The following DNAAF1 variants were observed in gnomAD, a reference collection of about 807,000 sequenced individuals.
DNAAF1 encodes dynein axonemal assembly factor 1, also known as dynein assembly factor 1, axonemal.
In DNAAF1, 65 loss-of-function variants were observed where a neutral mutation model predicts 71.1. The observed-to-expected ratio is 0.91, with a 90% confidence interval of 0.75 to 1.12. DNAAF1 has a LOEUF of 1.12. Ranked by LOEUF, DNAAF1 falls within the 50% of genes most tolerant of loss-of-function variation. The pLI is 0.00. For synonymous variants in DNAAF1, 414 were observed against 354.6 expected (o/e 1.17, Z -1.88); for missense variants, 1,178 against 899.8 (o/e 1.31, Z -3.96).
At chr16:84,148,592 C>CTTTTTTTTTTTTTTT (rs1298445444) in intron 1 of DNAAF1, among the ~76,000 whole-genome samples, 1 of 33,486 alleles carries the variant, frequency 3.0e-5, no homozygotes, top group Non-Finnish European at 6.6e-5. Context: ...TTCTCTCTCT[C>CTTTTTTTTTTTTTTT]TCTCTTTTTT....
intron 6 of DNAAF1, 51 bp from the exon 7 acceptor site, chr16:84,165,732 G>A (rs1393946892): frequency 1.0e-5 from 16 of 1,543,724 alleles, no homozygotes; most frequent in East Asian, 2.2e-5. Context: ...ATCAGACAGT[G>A]TATGTTTGGA....
At chr16:84,166,282 G>A (rs1567555695) in intron 7 of DNAAF1, among the ~76,000 whole-genome samples, 1 of 151,812 alleles carries the variant, frequency 6.6e-6, no homozygotes, top group South Asian at 2.1e-4. Flanking sequence ...CGAACTCCTG[G>A]CTTCAAGTGA....
At chr16:84,147,771 TAAAA>T (rs1045165226) in intron 1 of DNAAF1, among the ~76,000 whole-genome samples, 1 of 150,784 alleles carries the variant, frequency 6.6e-6, no homozygotes, top group Non-Finnish European at 1.5e-5. Flanking sequence ...AAAAAAAAAA[TAAAA>T]ATAAATAAGG....
intron 8 of DNAAF1, among the ~76,000 whole-genome samples, chr16:84,170,870 A>T (rs1422486514): frequency 6.6e-6 from 1 of 152,148 alleles, no homozygotes; most frequent in Non-Finnish European, 1.5e-5. Context: ...AAAAAGTAAA[A>T]AGTAAAAAAA....
At chr16:84,175,723 C>T in intron 10 of DNAAF1, 2 of 604,352 alleles carry the variant, frequency 3.3e-6, no homozygotes, top group South Asian at 3.8e-5. Context: ...GAGCAGAGGG[C>T]AGAGAGAAGG....
intron 11 of DNAAF1, chr16:84,177,306 C>G (rs4150192): frequency 2.1e-5 from 7 of 328,112 alleles, no homozygotes; most frequent in Admixed American, 8.4e-5. Flanking sequence ...GAGACAGTCT[C>G]GCACTGTGGC....
chr16:84,158,816 C>G (rs115310271), intron 5 of DNAAF1: 1,812 of 154,746 alleles, frequency 0.012, 45 homozygotes, highest in African/African-American at 0.042. Flanking sequence ...TACAGCCTCC[C>G]CCTCCTGGGT....
rs1567574973 is a variant in DNAAF1, at chr16:84,177,892, T to G, written c.*51T>G. The G allele has an allele frequency of 1.4e-6, 2 of 1,469,456 alleles. No homozygotes were observed. Among genetic ancestry groups the G allele is most frequent in the South Asian group, 1.1e-5 (1 of 88,184 alleles). The allele number at this position is 1,469,456 out of a possible 1,614,324, so 91.0% of individuals were successfully genotyped here. A position where few individuals can be genotyped will look rare whatever the true frequency, so the allele number is the denominator to read the frequency against. Reference sequence around the variant, plus strand: ...ATGGTTTAATCATAAATGTCTCCCTTAGGCATGATAAACATTTTAACACCC... The same window carrying G: ...ATGGTTTAATCATAAATGTCTCCCTGAGGCATGATAAACATTTTAACACCC... On this transcript the variant is annotated 3_prime_UTR_variant, in exon 12 of 12. Transcript: ENST00000378553.
At chr16:84,166,259 T>G (rs1281713137) in intron 7 of DNAAF1, among the ~76,000 whole-genome samples, 1 of 151,946 alleles carries the variant, frequency 6.6e-6, no homozygotes, top group Non-Finnish European at 1.5e-5. Flanking sequence ...CGCCATGTTG[T>G]CCAGGCTCGT....
At chr16:84,163,452 C>A (rs956942542) in intron 6 of DNAAF1, among the ~76,000 whole-genome samples, 18 of 150,784 alleles carry the variant, frequency 1.2e-4, no homozygotes, top group African/African-American at 4.4e-4. Context: ...GAGATCTGAG[C>A]TCACTGCAAC....
At chr16:84,146,403 T>C (rs1258800598) in intron 1 of DNAAF1, among the ~76,000 whole-genome samples, 1 of 152,012 alleles carries the variant, frequency 6.6e-6, no homozygotes, top group African/African-American at 2.4e-5. Flanking sequence ...TCACCAAAGT[T>C]TGCCAGAATG....
rs1177842882 is a variant in DNAAF1, at chr16:84,169,921, C to A, written c.1093C>A (p.Pro365Thr). 2 of 1,614,138 alleles carry A rather than the reference C, an allele frequency of 1.2e-6. No individual in the cohort carries two copies. Among genetic ancestry groups the A allele is most frequent in the Admixed American group, 3.3e-5 (2 of 60,028 alleles). ...CGCCAGTGCGGAAGGCAAGGAGGAG[C>A]CTCCCGGGGACAGAGAAACAAGGCA... ...VPASAEGKEE[P>T]PGDRETRQKM... The change falls in exon 8 of 12, where the codon CCT (proline) becomes ACT (threonine). Residue 365 changes from proline to threonine, a missense_variant. Coordinates refer to ENST00000378553, the MANE Select transcript of DNAAF1 (RefSeq NM_178452.6).
intron 1 of DNAAF1, among the ~76,000 whole-genome samples, chr16:84,145,889 A>T (rs1018733405): frequency 6.6e-6 from 1 of 152,016 alleles, no homozygotes; most frequent in Admixed American, 6.5e-5. Flanking sequence ...GTCAGTCAGG[A>T]GTTCGAGACC....
At chr16:84,161,635 A>AG (rs1430194993) in intron 6 of DNAAF1, among the ~76,000 whole-genome samples, 1 of 151,904 alleles carries the variant, frequency 6.6e-6, no homozygotes, top group Non-Finnish European at 1.5e-5. Flanking sequence ...CAAAGCTCTG[A>AG]GGCTCCGAAA....
intron 7 of DNAAF1, among the ~76,000 whole-genome samples, chr16:84,169,053 A>G (rs1336510975): frequency 6.9e-6 from 1 of 144,530 alleles, no homozygotes; most frequent in African/African-American, 2.6e-5. Flanking sequence ...TATAAACAAC[A>G]CTAATGAACA....
intron 5 of DNAAF1, among the ~76,000 whole-genome samples, chr16:84,157,875 G>A (rs961879735): frequency 8.6e-5 from 13 of 152,032 alleles, no homozygotes; most frequent in Admixed American, 3.3e-4. Flanking sequence ...GTTTTGGCTG[G>A]GGTTGCCATA....
chr16:84,166,037 ATTT>A lies in DNAAF1; in HGVS notation c.1030+113_1030+115del, dbSNP rs58906103. On this transcript the variant is annotated intron_variant, in intron 7 of 11. Transcript: ENST00000378553. The stretch of plus-strand genomic sequence containing the variant: ...TCAAACCCAGTCTTTAATCTTGGGA[ATTT>A]TTTTTTTTTTTTTTTTTTTTTTTTA... The A allele has an allele frequency of 0.033, 35,244 of 1,068,632 alleles. 175 individuals are homozygous for A. The highest frequency in any genetic ancestry group is 0.071 in the South Asian group (4,821 of 68,186). 66.2% of individuals were successfully genotyped at this position (1,068,632 alleles called of 1,614,324 possible).
At chr16:84,150,829 G>T (rs998707567) in intron 3 of DNAAF1, among the ~76,000 whole-genome samples, 17 of 151,998 alleles carry the variant, frequency 1.1e-4, no homozygotes, top group Non-Finnish European at 1.9e-4. Flanking sequence ...GGCCATTCTG[G>T]TCTCAAACTC....
rs964097818 is a variant in DNAAF1, at chr16:84,169,752, A to G, written c.1031-107A>G. ...GGACACTTTTTTAACTGTGTTCCTG[A>G]CCTTTTCCCTGGTCTCAGAAGTTTG... On this transcript the variant is annotated intron_variant, in intron 7 of 11. Transcript: ENST00000378553. The G allele has an allele frequency of 1.4e-4, 206 of 1,512,604 alleles. 2 individuals are homozygous for G. The South Asian group carries it at 2.3e-3, about 17-fold the overall frequency. 93.7% of individuals were successfully genotyped at this position (1,512,604 alleles called of 1,614,324 possible).
Sources: gnomAD v4.1 joint callset for allele counts (sites outside exome capture counted in the v4.1 genomes callset) on GRCh38, gnomAD v4.1.1 for gene constraint, MANE v1.5 for transcripts, NCBI Gene and HGNC (gene_info 2026-07-23, HGNC 2026-07-21) for gene names.